ERCC8: variants seen among roughly 807,000 people sequenced by gnomAD.
ERCC8 encodes ERCC excision repair 8, CSA ubiquitin ligase complex subunit.
Under a neutral mutation model 54.9 loss-of-function variants are expected in ERCC8, and 52 were observed. The observed-to-expected ratio is 0.95, with a 90% CI of 0.76 to 1.19. The LOEUF (loss-of-function observed/expected upper bound fraction) is 1.19, where lower values mean the gene tolerates loss of function less well. ERCC8 is among the 50% of genes most tolerant of loss of function. The pLI, the probability that ERCC8 is intolerant of heterozygous loss-of-function variation, is 0.00. For synonymous variants in ERCC8, 146 were observed against 157.2 expected, an observed-to-expected ratio of 0.93 and a Z score of 0.53; for missense variants, 514 against 466.1, an observed-to-expected ratio of 1.10 and a Z score of -0.95.
intron 11 of ERCC8, 37 bp downstream of exon 11, chr5:60,887,403 T>C (rs1411807648): frequency 6.8e-7 from 1 of 1,467,364 alleles, no homozygotes; most frequent in Non-Finnish European, 9.6e-7. Context: ...TCTTAAGCTT[T>C]AGAAGTCACT....
At chr5:60,889,777 T>TA (rs1457660263) in intron 10 of ERCC8, among the ~76,000 whole-genome samples, 6 of 152,220 alleles carry the variant, frequency 3.9e-5, no homozygotes, top group African/African-American at 1.4e-4. Flanking sequence ...ACACATGCTT[T>TA]ATCAGTAACT....
At chr5:60,908,436 C>T (rs1181071290) in intron 4 of ERCC8, among the ~76,000 whole-genome samples, 1 of 151,624 alleles carries the variant, frequency 6.6e-6, no homozygotes, top group African/African-American at 2.4e-5. Context: ...CCTGTAAATC[C>T]CTCAAACTCA....
At chr5:60,909,721 A>G (rs1749198727) in intron 4 of ERCC8, 1 of 152,440 alleles carries the variant, frequency 6.6e-6, no homozygotes, top group African/African-American at 2.4e-5. Context: ...TGAGAGGCCG[A>G]GGTGGGTGGA....
intron 1 of ERCC8, among the ~76,000 whole-genome samples, chr5:60,933,558 T>C (rs1474438743): frequency 6.6e-6 from 1 of 152,154 alleles, no homozygotes; most frequent in African/African-American, 2.4e-5. Flanking sequence ...AGTTTTTGTT[T>C]TACTTTTTTG....
At position 60,872,110 on chromosome 5, in the gene ERCC8, T is replaced by G. The variant is rs903927944; in HGVS notation, c.*2505A>C. On this transcript the variant is annotated 3_prime_UTR_variant, in exon 12 of 12. Transcript: ENST00000676185. ...TGCCCGGCCAATAGCTTTTTCAAAC[T>G]AGCTTTTTCAAAGGTCAAATGCATC... 2.0e-5 allele frequency among the ~76,000 whole-genome samples: 3 copies of G among 152,124 alleles called. No homozygotes were observed. Among genetic ancestry groups the G allele is most frequent in the African/African-American group, 7.2e-5 (3 of 41,432 alleles).
rs1383899926 is a variant in ERCC8 at position 60,873,882 on chromosome 5, T to A, written c.*733A>T. 2 of 152,094 alleles carry A rather than the reference T, an allele frequency of 1.3e-5. No individual in the cohort carries two copies. The highest frequency in any genetic ancestry group is 4.8e-5 in the African/African-American group (2 of 41,422). 9.4% of individuals were successfully genotyped at this position (152,094 alleles called of 1,614,324 possible). A position where few individuals can be genotyped will look rare whatever the true frequency, so the allele number is the denominator to read the frequency against. On this transcript the variant is annotated 3_prime_UTR_variant, in exon 12 of 12. Coordinates refer to ENST00000676185, the MANE Select transcript of ERCC8 (RefSeq NM_000082.4). ...ACAGCATTTCATGTTTAAGCCAGAT[T>A]CCCTGCCAGGATATTTTCTGCTTGA...
At chr5:60,879,719 T>C (rs998543056) in intron 11 of ERCC8, among the ~76,000 whole-genome samples, 1 of 152,188 alleles carries the variant, frequency 6.6e-6, no homozygotes, top group Non-Finnish European at 1.5e-5. Context: ...ATTTGCTTGG[T>C]AGATCTTCCT....
chr5:60,922,094 G>C lies in ERCC8; in HGVS notation c.235C>G (p.Gln79Glu), dbSNP rs770949190. The C allele has an allele frequency of 3.7e-6, 6 of 1,610,164 alleles. No individual in the cohort carries two copies. The Admixed American group carries it at 8.4e-5, about 22-fold the overall frequency. ...ACTGCTTTACATGTGTAATAAGATT[G>C]TCTGCTGGAGTTCTCAAGGTCATAA... ...VLYDLENSSR[Q>E]SYYTCKAVCS... Residue 79 changes from glutamine (Q) to glutamate (E), a missense_variant, in exon 3 of 12, where the codon CAA becomes GAA. Transcript: ENST00000676185.
Position 60,870,486 on chromosome 5 carries a change from A to AAAAG in ERCC8, c.*4128_*4129insCTTT, listed in dbSNP as rs2112447415. Among the ~76,000 whole-genome samples the AAAAG allele has an allele frequency of 8.4e-6, 1 of 118,808 alleles. No homozygotes were observed. The highest frequency in any genetic ancestry group is 2.0e-4 in the East Asian group (1 of 5,030). The allele number at this position is 118,808 out of a possible 152,430, so 77.9% of individuals were successfully genotyped here. A position where few individuals can be genotyped will look rare whatever the true frequency, so the allele number is the denominator to read the frequency against. ...ATGGTGAAACCCCACCTCTGCTAAA[A>AAAAG]AAAAAAAAAAAAAAAAAAAAAAAAA... On this transcript the variant is annotated 3_prime_UTR_variant, in exon 12 of 12. Coordinates refer to ENST00000676185, the MANE Select transcript of ERCC8 (RefSeq NM_000082.4).
chr5:60,918,528 T>C lies in ERCC8; in HGVS notation c.276-140A>G. The C allele has an allele frequency of 7.0e-6, 5 of 710,766 alleles. No homozygotes were observed. The South Asian group carries it at 7.9e-5, about 11-fold the overall frequency. The allele number at this position is 710,766 out of a possible 1,614,324, so 44.0% of individuals were successfully genotyped here. A position where few individuals can be genotyped will look rare whatever the true frequency, so the allele number is the denominator to read the frequency against. On this transcript the variant is annotated intron_variant, in intron 3 of 11. Transcript: ENST00000676185. ...ATCACATGCCTGTGTCCAAGCTGTGTAGAAGGCGAGAAAGAATGTCCAGGC... is the reference window on the plus strand; with the variant it reads ...ATCACATGCCTGTGTCCAAGCTGTGCAGAAGGCGAGAAAGAATGTCCAGGC...
chr5:60,919,930 CAT>C (rs1303826381), intron 3 of ERCC8, among the ~76,000 whole-genome samples: 1 of 151,952 alleles, frequency 6.6e-6, no homozygotes, highest in Admixed American at 6.6e-5. Context: ...TTGTAGGGAA[CAT>C]GTGCCTTTTT....
intron 4 of ERCC8, chr5:60,917,935 C>T (rs1025539379): frequency 8.2e-6 from 2 of 244,498 alleles, no homozygotes; most frequent in Admixed American, 5.0e-5. Flanking sequence ...ATAATATTAG[C>T]TAACAGTTTT....
chr5:60,923,367 A>C (rs1322865771), intron 2 of ERCC8, among the ~76,000 whole-genome samples: 1 of 152,036 alleles, frequency 6.6e-6, no homozygotes, highest in Non-Finnish European at 1.5e-5. Context: ...TTTGTCTCTA[A>C]TACTGTTACT....
chr5:60,878,305 T>C lies in ERCC8; in HGVS notation c.1123-3622A>G, dbSNP rs1748082370. 2.6e-5 allele frequency among the ~76,000 whole-genome samples: 4 copies of C among 152,364 alleles called. No individual in the cohort carries two copies. The South Asian group carries it at 8.3e-4, about 32-fold the overall frequency. ...TTATTAAGGATTTTTGCATTGATGC[T>C]CATCAGAGATATTGGTGTAAAATTC... On this transcript the variant is annotated intron_variant, in intron 11 of 11. Coordinates refer to ENST00000676185, the MANE Select transcript of ERCC8 (RefSeq NM_000082.4).
chr5:60,881,068 GT>G (rs1748203177), intron 11 of ERCC8, among the ~76,000 whole-genome samples: 1 of 152,142 alleles, frequency 6.6e-6, no homozygotes, highest in African/African-American at 2.4e-5. Context: ...CTGCTTGTTA[GT>G]TTTCCTTCTA....
At chr5:60,905,908 T>C (rs1749056399) in intron 4 of ERCC8, among the ~76,000 whole-genome samples, 1 of 152,120 alleles carries the variant, frequency 6.6e-6, no homozygotes. Flanking sequence ...ATGCTTGCTA[T>C]TGATTGGTTG....
At chr5:60,931,466 C>A (rs1206878798) in intron 1 of ERCC8, among the ~76,000 whole-genome samples, 4 of 152,020 alleles carry the variant, frequency 2.6e-5, no homozygotes. Flanking sequence ...GTTACCACAC[C>A]TGGCTAAGTT....
intron 10 of ERCC8, among the ~76,000 whole-genome samples, chr5:60,888,017 C>T (rs1348491963): frequency 1.3e-5 from 2 of 152,166 alleles, no homozygotes; most frequent in African/African-American, 4.8e-5. Context: ...AAGTTTACTT[C>T]ATAAGGGGAA....
chr5:60,886,073 T>A (rs1325393178), intron 11 of ERCC8, among the ~76,000 whole-genome samples: 1 of 151,932 alleles, frequency 6.6e-6, no homozygotes, highest in East Asian at 1.9e-4. Flanking sequence ...TATGTATATA[T>A]ATACAAACAT....
Sources: gnomAD v4.1 joint callset for allele counts (sites outside exome capture counted in the v4.1 genomes callset) on GRCh38, gnomAD v4.1.1 for gene constraint, MANE v1.5 for transcripts, NCBI Gene and HGNC (gene_info 2026-07-23, HGNC 2026-07-21) for gene names.